Variants in TTL observed in about 807,000 individuals in gnomAD.
TTL encodes the protein tubulin tyrosine ligase, also known as tubulin--tyrosine ligase.
In TTL, 10 loss-of-function variants were observed where a neutral mutation model predicts 41.1. That is an observed-to-expected ratio of 0.24 (90% CI 0.15 to 0.41). TTL has a LOEUF of 0.41. Among genes scored for constraint, TTL ranks in the 10% least tolerant of loss-of-function variants. The pLI is 1.00. For synonymous variants in TTL, 175 were observed against 175.5 expected (o/e 1.00, Z 0.02); for missense variants, 367 against 460.4 (o/e 0.80, Z 1.86).
intron 4 of TTL, among the ~76,000 whole-genome samples, chr2:112,501,738 G>C (rs1227902358): frequency 6.6e-6 from 1 of 151,890 alleles, no homozygotes; most frequent in Non-Finnish European, 1.5e-5. Context: ...ATGGTGGCAG[G>C]CACCTGTAAT....
chr2:112,488,775 A>G (rs924696061), intron 2 of TTL, among the ~76,000 whole-genome samples: 10 of 143,266 alleles, frequency 7.0e-5, no homozygotes, highest in African/African-American at 2.3e-4. Context: ...AAGAAAAGAA[A>G]AGTAACAGCT....
rs191172337 is a variant in TTL, at chr2:112,498,278, G to T, written c.470-2928G>T. Among the ~76,000 whole-genome samples, 44 of 152,104 alleles carry T rather than the reference G, an allele frequency of 2.9e-4. 1 individual carries two copies. Among genetic ancestry groups the T allele is most frequent in the African/African-American group, 1.0e-3 (42 of 41,492 alleles). On this transcript the variant is annotated intron_variant, in intron 3 of 6. Coordinates refer to ENST00000233336, the MANE Select transcript of TTL (RefSeq NM_153712.5). ...GCAGAGGTTGCAGTGAGCTGAGATC[G>T]CACCATTGCACTCCAGCTTGGGCAA...
Position 112,535,070 on chromosome 2 carries a change from GAAAGAAGAAAGA to G in TTL, c.*6282_*6293del, listed in dbSNP as rs1451031928. 3 of 151,568 alleles carry G rather than the reference GAAAGAAGAAAGA, an allele frequency of 2.0e-5. 1 individual carries two copies. Among genetic ancestry groups the G allele is most frequent in the Admixed American group, 2.0e-4 (3 of 15,182 alleles). 9.4% of individuals were successfully genotyped at this position (151,568 alleles called of 1,614,324 possible). A position where few individuals can be genotyped will look rare whatever the true frequency, so the allele number is the denominator to read the frequency against. On this transcript the variant is annotated 3_prime_UTR_variant, in exon 7 of 7. Transcript: ENST00000233336. ...GAGAAAGATTGAGAAAGAAAAAAGA[GAAAGAAGAAAGA>G]AAAGAAAAAAGGAAAGAAAGTTAGT...
At chr2:112,521,374 T>C in intron 6 of TTL, 1 of 985,272 alleles carries the variant, frequency 1.0e-6, no homozygotes, top group Non-Finnish European at 1.2e-6. Context: ...AGGCCTTACG[T>C]GTCAGGGAAA....
rs1262998601 is a variant in TTL at position 112,540,896 on chromosome 2, G to A, written c.*12101G>A. On this transcript the variant is annotated 3_prime_UTR_variant, in exon 7 of 7. Transcript: ENST00000233336. ...TACAAAACTCTTAGTAGAAAATATA[G>A]GTGAAAATCCCCATGATTGAAAAAT... The A allele has an allele frequency of 1.3e-5, 2 of 152,120 alleles. No individual in the cohort carries two copies. Among genetic ancestry groups the A allele is most frequent in the Non-Finnish European group, 2.9e-5 (2 of 68,036 alleles). 9.4% of individuals were successfully genotyped at this position (152,120 alleles called of 1,614,324 possible).
intron 5 of TTL, among the ~76,000 whole-genome samples, chr2:112,519,071 A>G (rs1682153586): frequency 6.6e-6 from 1 of 152,040 alleles, no homozygotes. Context: ...ATTTACTGAG[A>G]GAAATATTTT....
chr2:112,501,805 G>A (rs1036275481), intron 4 of TTL, among the ~76,000 whole-genome samples: 5 of 151,076 alleles, frequency 3.3e-5, no homozygotes, highest in African/African-American at 9.8e-5. Flanking sequence ...AGGGGAGGTT[G>A]CAGTGAGCTG....
intron 2 of TTL, among the ~76,000 whole-genome samples, chr2:112,487,790 G>T (rs544219703): frequency 6.4e-4 from 98 of 152,294 alleles, no homozygotes; most frequent in Non-Finnish European, 1.3e-3. Context: ...TTCCATCTTT[G>T]TCTCAGTTGT....
At position 112,482,766 on chromosome 2, in the gene TTL, C is replaced by T. The variant is rs1299763365; in HGVS notation, c.157+265C>T. On this transcript the variant is annotated intron_variant, in intron 1 of 6. Coordinates refer to ENST00000233336, the MANE Select transcript of TTL (RefSeq NM_153712.5). The surrounding 1 kb of genome is among the most constrained non-coding windows in gnomAD (Gnocchi z 5.3). Reference sequence around the variant, plus strand: ...CCGACGGTGACCGGTCCCTGCAGCCCGGGAGACGCTGGCCGCCGGGGCTGG... The same window carrying T: ...CCGACGGTGACCGGTCCCTGCAGCCTGGGAGACGCTGGCCGCCGGGGCTGG... Among the ~76,000 whole-genome samples, 1 of 152,234 alleles carries T rather than the reference C, an allele frequency of 6.6e-6. No individual in the cohort carries two copies. Among genetic ancestry groups the T allele is most frequent in the East Asian group, 1.9e-4 (1 of 5,188 alleles).
At chr2:112,488,402 T>C (rs1681297103) in intron 2 of TTL, among the ~76,000 whole-genome samples, 1 of 152,054 alleles carries the variant, frequency 6.6e-6, no homozygotes, top group Non-Finnish European at 1.5e-5. Context: ...CCAACAGAAA[T>C]AGGATGCTAC....
intron 6 of TTL, among the ~76,000 whole-genome samples, chr2:112,525,222 G>T (rs146913486): frequency 0.1 from 15,868 of 151,992 alleles, 1,009 homozygotes; most frequent in South Asian, 0.16. Flanking sequence ...AGTCAGGTAG[G>T]GTGATGCCTC....
intron 3 of TTL, among the ~76,000 whole-genome samples, chr2:112,500,095 T>G (rs1163518458): frequency 6.6e-6 from 1 of 152,066 alleles, no homozygotes; most frequent in Non-Finnish European, 1.5e-5. Context: ...TTGTGCTAAG[T>G]GAAATTAGAC....
chr2:112,517,003 G>A (rs751194535), intron 5 of TTL, among the ~76,000 whole-genome samples: 2 of 151,960 alleles, frequency 1.3e-5, no homozygotes, highest in Non-Finnish European at 2.9e-5. Context: ...TGCTGCTGTG[G>A]TGCTATAAAT....
In TTL at chr2:112,536,545, T is replaced by A. The variant is rs917193044; in HGVS notation, c.*7750T>A. ...ACAAAGAAGGACTTTTTTTTAATAG[T>A]TCCAACTTTTATTTTAAATTCTGGA... On this transcript the variant is annotated 3_prime_UTR_variant, in exon 7 of 7. Transcript: ENST00000233336. 6.6e-6 allele frequency: 1 copy of A among 152,234 alleles called. No homozygotes were observed. The allele number at this position is 152,234 out of a possible 1,614,324, so 9.4% of individuals were successfully genotyped here.
intron 6 of TTL, 189 bp downstream of exon 6, chr2:112,520,614 A>T (rs62157539): frequency 2.8e-6 from 2 of 715,742 alleles, no homozygotes; most frequent in Non-Finnish European, 4.5e-6. Context: ...CCCCGTGTAT[A>T]GGCCAGATAG....
Position 112,482,615 on chromosome 2 carries a change from G to C in TTL, c.157+114G>C, listed in dbSNP as rs1681122771. Reference sequence around the variant, plus strand: ...AAGGTCATACATTTTCTCCTCTGTCGCTTGTCGGGCACATCAGAAACGGAT... The same window carrying C: ...AAGGTCATACATTTTCTCCTCTGTCCCTTGTCGGGCACATCAGAAACGGAT... On this transcript the variant is annotated intron_variant, in intron 1 of 6. Transcript: ENST00000233336. This position sits in a 1 kb window ranked among gnomAD's most constrained non-coding sequence, Gnocchi z 5.3. 8.7e-7 allele frequency: 1 copy of C among 1,155,828 alleles called. No individual in the cohort carries two copies. Among genetic ancestry groups the C allele is most frequent in the South Asian group, 1.8e-5 (1 of 56,430 alleles). The allele number at this position is 1,155,828 out of a possible 1,614,324, so 71.6% of individuals were successfully genotyped here.
intron 3 of TTL, among the ~76,000 whole-genome samples, chr2:112,499,927 C>A (rs924096016): frequency 9.2e-5 from 14 of 152,256 alleles, no homozygotes; most frequent in African/African-American, 3.4e-4. Flanking sequence ...AACTTGTATG[C>A]AAATCTTATA....
At chr2:112,523,659 TGCC>T (rs1379129674) in intron 6 of TTL, among the ~76,000 whole-genome samples, 1 of 152,204 alleles carries the variant, frequency 6.6e-6, no homozygotes, top group Non-Finnish European at 1.5e-5. Context: ...CTGCCTTCCC[TGCC>T]AGTTGTGTGC....
At chr2:112,496,946 G>A (rs151129214) in intron 3 of TTL, among the ~76,000 whole-genome samples, 6,222 of 151,694 alleles carry the variant, frequency 0.041, 450 homozygotes, top group African/African-American at 0.14. Context: ...TCAGTATCCC[G>A]AGTAGCTGGG....
Sources: gnomAD v4.1 joint callset for allele counts (sites outside exome capture counted in the v4.1 genomes callset) on GRCh38, gnomAD v4.1.1 for gene constraint, Gnocchi (gnomAD v3.1) non-coding constraint, MANE v1.5 for transcripts, NCBI Gene and HGNC (gene_info 2026-07-23, HGNC 2026-07-21) for gene names.